The following SLC39A11 variants were observed in gnomAD, a reference collection of about 807,000 sequenced individuals.
The protein encoded by SLC39A11 is zinc transporter ZIP11.
A neutral mutation model predicts 36.1 loss-of-function variants in SLC39A11; 33 were observed. The ratio of observed to expected loss-of-function variants is 0.91; its 90% CI spans 0.69 to 1.22. The LOEUF is 1.22. Ranked by LOEUF, SLC39A11 falls within the 50% of genes most tolerant of loss-of-function variation. The probability of loss-of-function intolerance (pLI) is 0.00; values close to 1 mark genes in which losing one functional copy is unlikely to be tolerated. For synonymous variants in SLC39A11, 166 were observed against 170.3 expected (o/e 0.97, Z 0.20); for missense variants, 432 against 430.3 (o/e 1.00, Z -0.03).
intron 6 of SLC39A11, among the ~76,000 whole-genome samples, chr17:72,787,415 G>A (rs1336929218): frequency 1.3e-5 from 2 of 151,754 alleles, no homozygotes; most frequent in Non-Finnish European, 1.5e-5. Flanking sequence ...CTGCCACCAC[G>A]CCCGGCTAAT....
intron 4 of SLC39A11, among the ~76,000 whole-genome samples, chr17:72,964,149 A>G (rs575569664): frequency 6.6e-6 from 1 of 152,308 alleles, no homozygotes; most frequent in East Asian, 1.9e-4. Context: ...CAGTCTCAGA[A>G]AGAGACTTTA....
chr17:73,033,480 G>C (rs1202949020), intron 3 of SLC39A11, among the ~76,000 whole-genome samples: 1 of 152,224 alleles, frequency 6.6e-6, no homozygotes, highest in African/African-American at 2.4e-5. Context: ...CTGGAGATGA[G>C]CTGGCGCAGT....
intron 6 of SLC39A11, among the ~76,000 whole-genome samples, chr17:72,772,674 G>A (rs1038773174): frequency 6.6e-6 from 1 of 152,154 alleles, no homozygotes; most frequent in African/African-American, 2.4e-5. Context: ...CCCAGCTGAG[G>A]GCCTGGCTCA....
At position 72,794,026 on chromosome 17, in the gene SLC39A11, A is replaced by G. The variant is rs2076807543; in HGVS notation, c.601+55608T>C. ...TAGTCCTGCCTCTAACTGTAATAAC[A>G]GCCTTCAAAATCTAGGCCATTGTTA... On this transcript the variant is annotated intron_variant, in intron 6 of 9. Transcript: ENST00000255559. 2.0e-5 allele frequency among the ~76,000 whole-genome samples: 3 copies of G among 152,178 alleles called. 1 individual carries two copies. Among genetic ancestry groups the G allele is most frequent in the Admixed American group, 2.0e-4 (3 of 15,284 alleles).
intron 6 of SLC39A11, among the ~76,000 whole-genome samples, chr17:72,833,899 G>C (rs1481586993): frequency 1.3e-5 from 2 of 152,176 alleles, no homozygotes; most frequent in Non-Finnish European, 1.5e-5. Flanking sequence ...CAAGAGAATG[G>C]TATCACAGGA....
intron 3 of SLC39A11, among the ~76,000 whole-genome samples, chr17:73,047,988 AAAATAT>A (rs1334497581): frequency 2.2e-5 from 1 of 45,840 alleles, no homozygotes; most frequent in African/African-American, 6.6e-5. Flanking sequence ...AAAAAAAAAA[AAAATAT>A]ATATATATAT....
At chr17:72,864,735 GA>G (rs1474850495) in intron 5 of SLC39A11, among the ~76,000 whole-genome samples, 1 of 152,130 alleles carries the variant, frequency 6.6e-6, no homozygotes, top group African/African-American at 2.4e-5. Context: ...GAGCCCAACA[GA>G]AGTCCTAACC....
intron 3 of SLC39A11, among the ~76,000 whole-genome samples, chr17:73,052,185 A>AT (rs1222281457): frequency 6.6e-6 from 1 of 151,666 alleles, no homozygotes; most frequent in Non-Finnish European, 1.5e-5. Flanking sequence ...CCAGAAAAAA[A>AT]AAAGAAGAAA....
intron 5 of SLC39A11, among the ~76,000 whole-genome samples, chr17:72,891,005 A>G (rs1221361549): frequency 2.0e-5 from 3 of 152,008 alleles, no homozygotes; most frequent in Admixed American, 1.3e-4. Flanking sequence ...AAGGGGGTGG[A>G]AAGTGAAGAA....
intron 7 of SLC39A11, among the ~76,000 whole-genome samples, chr17:72,675,993 T>G (rs929425846): frequency 2.0e-5 from 3 of 151,954 alleles, no homozygotes; most frequent in Non-Finnish European, 2.9e-5. Flanking sequence ...TATCCCAATT[T>G]ACTTGAGGAT....
intron 7 of SLC39A11, among the ~76,000 whole-genome samples, chr17:72,667,678 G>T (rs1041161875): frequency 6.6e-6 from 1 of 152,190 alleles, no homozygotes; most frequent in Non-Finnish European, 1.5e-5. Context: ...CTTCTTCCAG[G>T]AATGCCTGGT....
intron 3 of SLC39A11, among the ~76,000 whole-genome samples, chr17:73,069,029 C>A (rs2060081366): frequency 6.6e-6 from 1 of 152,130 alleles, no homozygotes; most frequent in South Asian, 2.1e-4. Flanking sequence ...ACCTCCCAAC[C>A]AAACGAATAA....
chr17:73,087,481 G>A (rs768823947), intron 2 of SLC39A11, among the ~76,000 whole-genome samples: 4 of 152,170 alleles, frequency 2.6e-5, no homozygotes, highest in Non-Finnish European at 4.4e-5. Context: ...CGAGGTGATC[G>A]ATGCAGGGAT....
chr17:73,086,456 G>A (rs3926471), intron 2 of SLC39A11, among the ~76,000 whole-genome samples: 112,544 of 152,090 alleles, frequency 0.74, 41,715 homozygotes, highest in East Asian at 0.8. Flanking sequence ...ATGTTATAAC[G>A]TGGATGAGCT....
At chr17:72,919,747 C>T (rs1187718595) in intron 5 of SLC39A11, among the ~76,000 whole-genome samples, 4 of 151,870 alleles carry the variant, frequency 2.6e-5, no homozygotes, top group East Asian at 3.9e-4. Context: ...ATGATGACCC[C>T]GCGTGGGGTG....
intron 6 of SLC39A11, among the ~76,000 whole-genome samples, chr17:72,820,308 C>T (rs1299278250): frequency 6.6e-6 from 1 of 151,248 alleles, no homozygotes; most frequent in Non-Finnish European, 1.5e-5. Context: ...CCCAGGGTCA[C>T]ATGGAGCCCT....
chr17:72,930,834 T>C (rs781620571), intron 5 of SLC39A11, among the ~76,000 whole-genome samples: 3 of 152,176 alleles, frequency 2.0e-5, no homozygotes, highest in African/African-American at 4.8e-5. Flanking sequence ...TAAGTCAACC[T>C]AAACCAAGCC....
chr17:73,065,161 T>C (rs987051268), intron 3 of SLC39A11, among the ~76,000 whole-genome samples: 23 of 152,024 alleles, frequency 1.5e-4, no homozygotes, highest in African/African-American at 5.3e-4. Context: ...TCCCAGCACT[T>C]TGGGAGGCTG....
At chr17:72,702,348 G>A (rs188885174) in intron 7 of SLC39A11, among the ~76,000 whole-genome samples, 5 of 152,252 alleles carry the variant, frequency 3.3e-5, no homozygotes, top group Non-Finnish European at 7.4e-5. Context: ...TCTCAACCAG[G>A]CCAATTTGGA....
Sources: allele counts gnomAD v4.1 joint callset (sites outside exome capture counted in the v4.1 genomes callset), GRCh38; gene constraint gnomAD v4.1.1; transcripts MANE v1.5; gene names NCBI Gene and HGNC (gene_info 2026-07-23, HGNC 2026-07-21).